Variants in DNAH11 observed in about 807,000 individuals in gnomAD.
DNAH11 encodes axonemal beta dynein heavy chain 11.
In DNAH11, 442 loss-of-function variants were observed where a neutral mutation model predicts 526.0. The ratio of observed to expected loss-of-function variants is 0.84; its 90% CI spans 0.78 to 0.91. The LOEUF is 0.91. DNAH11 is among the 40% of genes least tolerant of loss of function. The probability of loss-of-function intolerance (pLI) is 0.00; values close to 1 mark genes in which losing one functional copy is unlikely to be tolerated. For missense variants in DNAH11, 6,989 were observed against 5,448.7 expected (o/e 1.28, Z -8.90); for synonymous variants, 2,461 against 1,935.9 (o/e 1.27, Z -7.12).
At chr7:21,817,657 C>T (rs1019228155) in intron 64 of DNAH11, among the ~76,000 whole-genome samples, 8 of 151,820 alleles carry the variant, frequency 5.3e-5, no homozygotes, top group Non-Finnish European at 1.2e-4. Flanking sequence ...CATGCCACTG[C>T]ACTCCAGCCT....
intron 74 of DNAH11, among the ~76,000 whole-genome samples, chr7:21,875,267 G>A (rs570341151): frequency 6.6e-6 from 1 of 151,988 alleles, no homozygotes; most frequent in African/African-American, 2.4e-5. Context: ...ACATTTTCAA[G>A]CTATTTCCCA....
chr7:21,784,390 A>G (rs1472562146), intron 57 of DNAH11, 37 bp from the exon 58 acceptor site: 3 of 1,489,460 alleles, frequency 2.0e-6, no homozygotes, highest in Non-Finnish European at 2.8e-6. Flanking sequence ...TGTGATAATA[A>G]TTTATACGGG....
chr7:21,569,307 C>A (rs758498165), intron 6 of DNAH11, among the ~76,000 whole-genome samples: 1 of 152,066 alleles, frequency 6.6e-6, no homozygotes. Flanking sequence ...GGTTAAGATG[C>A]GTCAGGAAGA....
At chr7:21,750,461 T>G (rs1447833627) in intron 54 of DNAH11, 97 bp downstream of exon 54, 48 of 1,473,360 alleles carry the variant, frequency 3.3e-5, no homozygotes, top group Non-Finnish European at 4.2e-5. Context: ...TGAATTTCAG[T>G]CATGCATTTT....
intron 14 of DNAH11, among the ~76,000 whole-genome samples, chr7:21,597,433 AAAG>A (rs536588500): frequency 6.6e-6 from 1 of 152,286 alleles, no homozygotes; most frequent in Admixed American, 6.5e-5. Flanking sequence ...GCTTTGAAAA[AAAG>A]AACTACCTGA....
At chr7:21,745,236 A>G (rs1786092342) in intron 51 of DNAH11, among the ~76,000 whole-genome samples, 173 bp downstream of exon 51, 1 of 152,204 alleles carries the variant, frequency 6.6e-6, no homozygotes, top group South Asian at 2.1e-4. Flanking sequence ...AATCTTAATA[A>G]TGTCTTACAT....
chr7:21,605,499 G>T (rs577282100), intron 18 of DNAH11, among the ~76,000 whole-genome samples: 1 of 152,294 alleles, frequency 6.6e-6, no homozygotes, highest in East Asian at 1.9e-4. Context: ...ACTATTTATT[G>T]TGTCTTTTGT....
chr7:21,783,934 A>G (rs1788065678), intron 57 of DNAH11, among the ~76,000 whole-genome samples: 1 of 152,228 alleles, frequency 6.6e-6, no homozygotes, highest in South Asian at 2.1e-4. Context: ...AGAATAGAAT[A>G]TCTTCTAGCC....
At chr7:21,574,554 C>CCCTT (rs1427368259) in intron 8 of DNAH11, among the ~76,000 whole-genome samples, 3 of 144,190 alleles carry the variant, frequency 2.1e-5, no homozygotes, top group South Asian at 4.4e-4. Context: ...CTCCCTCCCT[C>CCCTT]CCTTCCTTCC....
At chr7:21,639,677 C>G (rs968399941) in intron 28 of DNAH11, among the ~76,000 whole-genome samples, 3 of 152,198 alleles carry the variant, frequency 2.0e-5, no homozygotes, top group African/African-American at 7.2e-5. Context: ...ACAAACTGTA[C>G]AAATTCCAAA....
intron 65 of DNAH11, among the ~76,000 whole-genome samples, chr7:21,818,936 T>TC (rs1284279185): frequency 6.6e-6 from 1 of 152,058 alleles, no homozygotes; most frequent in Non-Finnish European, 1.5e-5. Context: ...AGACTGCCAT[T>TC]CCCCCAAGAC....
intron 79 of DNAH11, among the ~76,000 whole-genome samples, chr7:21,897,220 C>CAAGT (rs951674841): frequency 2.0e-5 from 3 of 148,274 alleles, no homozygotes; most frequent in Non-Finnish European, 4.5e-5. Context: ...AACATACTTA[C>CAAGT]AAGTAAGTAT....
rs1366721264 is a variant in DNAH11 at position 21,779,012 on chromosome 7, AATC to A, written c.9394_9396del (p.His3132del). On this transcript the variant is annotated inframe_deletion, in exon 57 of 82. Coordinates refer to ENST00000409508, the MANE Select transcript of DNAH11 (RefSeq NM_001277115.2). ...TCAAGAAGCCGAGCTGCAACTGAGAAATCATGATGCCGAAGCTCTGATCACAAA... is the reference window on the plus strand; with the variant it reads ...TCAAGAAGCCGAGCTGCAACTGAGAAATGATGCCGAAGCTCTGATCACAAA... The A allele has an allele frequency of 1.5e-5, 25 of 1,613,330 alleles. No homozygotes were observed. Among genetic ancestry groups the A allele is most frequent in the Non-Finnish European group, 2.0e-5 (24 of 1,179,626 alleles).
intron 61 of DNAH11, among the ~76,000 whole-genome samples, chr7:21,796,756 T>G (rs577740291): frequency 6.6e-6 from 1 of 152,342 alleles, no homozygotes; most frequent in South Asian, 2.1e-4. Context: ...TTTTGCCTCA[T>G]GGACTCTCTA....
chr7:21,552,568 C>T (rs1383562936), intron 2 of DNAH11, among the ~76,000 whole-genome samples: 1 of 152,144 alleles, frequency 6.6e-6, no homozygotes, highest in African/African-American at 2.4e-5. Context: ...ATACCTCGGC[C>T]CTCTTCTCCC....
chr7:21,874,484 C>T (rs1381731717), intron 74 of DNAH11, among the ~76,000 whole-genome samples: 1 of 151,852 alleles, frequency 6.6e-6, no homozygotes, highest in East Asian at 1.9e-4. Context: ...TACAGGCGCC[C>T]ACCACCAAGC....
intron 5 of DNAH11, among the ~76,000 whole-genome samples, chr7:21,562,324 G>A (rs570040914): frequency 2.6e-5 from 4 of 152,264 alleles, no homozygotes; most frequent in Admixed American, 2.6e-4. Context: ...TCCAGACATG[G>A]CCAAATGTCC....
chr7:21,874,022 C>T (rs969845742), intron 74 of DNAH11, among the ~76,000 whole-genome samples: 1 of 151,914 alleles, frequency 6.6e-6, no homozygotes, highest in African/African-American at 2.4e-5. Context: ...AACTCCTGAC[C>T]TCAGGTGATC....
intron 62 of DNAH11, among the ~76,000 whole-genome samples, chr7:21,803,504 G>A (rs1789092340): frequency 6.6e-6 from 1 of 152,018 alleles, no homozygotes; most frequent in Non-Finnish European, 1.5e-5. Flanking sequence ...TATGAGAAAA[G>A]CTGATGTTTT....
Sources: gnomAD v4.1 joint callset for allele counts (sites outside exome capture counted in the v4.1 genomes callset) on GRCh38, gnomAD v4.1.1 for gene constraint, MANE v1.5 for transcripts, NCBI Gene and HGNC (gene_info 2026-07-23, HGNC 2026-07-21) for gene names.